ASTE1: variants seen among roughly 807,000 people sequenced by gnomAD.
ASTE1 encodes asteroid structure-specific endonuclease 1, also known as single-strand DNA endonuclease ASTE1.
ASTE1 carries 49 observed loss-of-function variants against 45.8 expected under a neutral mutation model. The observed-to-expected ratio is 1.07, with a 90% CI of 0.85 to 1.36. The LOEUF is 1.36. Among genes scored for constraint, ASTE1 ranks in the 40% most tolerant of loss-of-function variants. The pLI, the probability that ASTE1 is intolerant of heterozygous loss-of-function variation, is 0.00. For missense variants in ASTE1, 709 were observed against 804.0 expected (o/e 0.88, Z 1.43); for synonymous variants, 296 against 303.9 (o/e 0.97, Z 0.27).
Position 131,024,023 on chromosome 3 carries a change from G to A in ASTE1, c.1284C>T (p.Asp428=). ...TACTTACCTCAGTCAATCTGCTTAA[G>A]TCAGAATGATCCTTGGCCAGTTCTA... ...DAVELAKDHS[D]LSRLTELSLR... The change falls in exon 3 of 6, where the codon GAC becomes GAT. Residue 428 remains aspartate, a synonymous_variant. Coordinates refer to ENST00000264992, the MANE Select transcript of ASTE1 (RefSeq NM_014065.4). 6.2e-7 allele frequency: 1 copy of A among 1,604,142 alleles called. No homozygotes were observed. The highest frequency in any genetic ancestry group is 8.5e-7 in the Non-Finnish European group (1 of 1,173,274).
chr3:131,014,033 A>C lies in ASTE1; in HGVS notation c.*24T>G. The stretch of plus-strand genomic sequence containing the variant: ...TTTAAGTAAGGATTATATTAAATAC[A>C]TCTAGTTTGATGCAAACTGAGTTTT... On this transcript the variant is annotated 3_prime_UTR_variant, in exon 6 of 6. Transcript: ENST00000264992. The C allele has an allele frequency of 6.7e-7, 1 of 1,488,438 alleles. No homozygotes were observed. Among genetic ancestry groups the C allele is most frequent in the Non-Finnish European group, 9.1e-7 (1 of 1,102,176 alleles). 92.2% of individuals were successfully genotyped at this position (1,488,438 alleles called of 1,614,324 possible). A position where few individuals can be genotyped will look rare whatever the true frequency, so the allele number is the denominator to read the frequency against.
chr3:131,019,524 A>T (rs181549788), intron 3 of ASTE1, among the ~76,000 whole-genome samples: 2 of 152,354 alleles, frequency 1.3e-5, no homozygotes, highest in Non-Finnish European at 2.9e-5. Context: ...TACCTTAATG[A>T]ATTACCAAGA....
At chr3:131,014,891 A>G (rs536039557) in intron 5 of ASTE1, among the ~76,000 whole-genome samples, 4 of 152,350 alleles carry the variant, frequency 2.6e-5, no homozygotes, top group African/African-American at 9.6e-5. Context: ...TAGAACCATC[A>G]TTTAATCAGT....
At chr3:131,015,454 C>CTTCTT (rs2063573561) in intron 5 of ASTE1, among the ~76,000 whole-genome samples, 1 of 152,194 alleles carries the variant, frequency 6.6e-6, no homozygotes, top group Admixed American at 6.5e-5. Flanking sequence ...GCTGCTGTCA[C>CTTCTT]TTCTTTTTAT....
intron 3 of ASTE1, among the ~76,000 whole-genome samples, chr3:131,020,818 G>A (rs947179754): frequency 2.0e-5 from 3 of 152,190 alleles, no homozygotes; most frequent in East Asian, 3.9e-4. Flanking sequence ...CGCAGAGAAT[G>A]AACTAAAATT....
At chr3:131,016,412 CT>C in intron 4 of ASTE1, 73 bp from the exon 5 acceptor site, 4 of 1,470,412 alleles carry the variant, frequency 2.7e-6, no homozygotes, top group Non-Finnish European at 2.8e-6. Flanking sequence ...TCCACATATA[CT>C]ACAAATTCTA....
Position 131,025,477 on chromosome 3 carries a change from G to C in ASTE1, c.-29C>G. ...TATCAACATCATAAATTCTTACCTA[G>C]ATCCTCAAGCAATGTTAGCTGTGCT... is the stretch of plus-strand genomic sequence containing the variant. On this transcript the variant is annotated 5_prime_UTR_variant, in exon 2 of 6. It adds an upstream start codon to the 5' untranslated region. Coordinates refer to ENST00000264992, the MANE Select transcript of ASTE1 (RefSeq NM_014065.4). 1 of 1,098,128 alleles carries C rather than the reference G, an allele frequency of 9.1e-7. No homozygotes were observed. The highest frequency in any genetic ancestry group is 2.7e-5 in the East Asian group (1 of 36,936). 68.0% of individuals were successfully genotyped at this position (1,098,128 alleles called of 1,614,324 possible). A position where few individuals can be genotyped will look rare whatever the true frequency, so the allele number is the denominator to read the frequency against.
chr3:131,023,116 G>A (rs1273062265), intron 3 of ASTE1, among the ~76,000 whole-genome samples: 1 of 152,176 alleles, frequency 6.6e-6, no homozygotes, highest in Non-Finnish European at 1.5e-5. Flanking sequence ...AGTGCTGGGA[G>A]AACTCTGACA....
At chr3:131,015,865 T>C in intron 5 of ASTE1, 1 of 505,858 alleles carries the variant, frequency 2.0e-6, no homozygotes, top group Non-Finnish European at 3.6e-6. Context: ...AATGATTGCC[T>C]CCCCTCTCCC....
chr3:131,016,634 C>T lies in ASTE1; in HGVS notation c.1514-295G>A, dbSNP rs1321779573. On this transcript the variant is annotated intron_variant, in intron 4 of 5. Coordinates refer to ENST00000264992, the MANE Select transcript of ASTE1 (RefSeq NM_014065.4). ...ATAAACATGTCTGCATTTGAATTCT[C>T]TAAACCCTAAATCTGTGTCTATGAA... 5 of 410,936 alleles carry T rather than the reference C, an allele frequency of 1.2e-5. No homozygotes were observed. The East Asian group carries it at 2.6e-4, about 21-fold the overall frequency. 25.5% of individuals were successfully genotyped at this position (410,936 alleles called of 1,614,324 possible). A position where few individuals can be genotyped will look rare whatever the true frequency, so the allele number is the denominator to read the frequency against.
At chr3:131,016,363 G>A (rs1420302410) in intron 4 of ASTE1, 24 bp from the exon 5 acceptor site, 1 of 1,613,494 alleles carries the variant, frequency 6.2e-7, no homozygotes, top group Non-Finnish European at 8.5e-7. Context: ...CAGCCCAAGG[G>A]CAGTATTTCT....
At chr3:131,018,477 A>G (rs2063697011) in intron 4 of ASTE1, 29 bp downstream of exon 4, 1 of 1,599,038 alleles carries the variant, frequency 6.3e-7, no homozygotes, top group Non-Finnish European at 8.6e-7. Context: ...ACATGCCACA[A>G]TATACTCCTG....
chr3:131,021,724 A>G (rs58528115), intron 3 of ASTE1, among the ~76,000 whole-genome samples: 8,994 of 152,236 alleles, frequency 0.059, 854 homozygotes, highest in African/African-American at 0.2. Flanking sequence ...TTTAGGGGTT[A>G]TGGATACATT....
At chr3:131,017,693 C>T (rs377692441) in intron 4 of ASTE1, among the ~76,000 whole-genome samples, 31 of 152,078 alleles carry the variant, frequency 2.0e-4, no homozygotes, top group African/African-American at 5.8e-4. Flanking sequence ...TATTACTGGC[C>T]GGGCGCGGTG....
intron 5 of ASTE1, among the ~76,000 whole-genome samples, chr3:131,014,882 A>G (rs895299057): frequency 6.6e-6 from 1 of 152,232 alleles, no homozygotes; most frequent in African/African-American, 2.4e-5. Context: ...CAATCCATGT[A>G]GAACCATCAT....
chr3:131,020,176 T>G (rs1560061131), intron 3 of ASTE1, among the ~76,000 whole-genome samples: 2 of 152,256 alleles, frequency 1.3e-5, no homozygotes, highest in Non-Finnish European at 2.9e-5. Flanking sequence ...GTTTCTGACC[T>G]TTTCTACAGT....
chr3:131,022,135 A>G (rs1044008580), intron 3 of ASTE1, among the ~76,000 whole-genome samples: 7 of 152,190 alleles, frequency 4.6e-5, no homozygotes, highest in African/African-American at 1.4e-4. Flanking sequence ...TGGGGACACC[A>G]TATCTTGGGG....
Position 131,017,021 on chromosome 3 carries a change from A to G in ASTE1, c.1514-682T>C, listed in dbSNP as rs1303802277. On this transcript the variant is annotated intron_variant, in intron 4 of 5. Transcript: ENST00000264992. ...CCAACTAGCGAGGAGCAAGACACTG[A>G]GCCTGCCTGGGTACAGGGTCCACAT... The G allele has an allele frequency of 2.3e-6, 3 of 1,289,316 alleles. No homozygotes were observed. The Admixed American group carries it at 6.9e-5, about 30-fold the overall frequency. 79.9% of individuals were successfully genotyped at this position (1,289,316 alleles called of 1,614,324 possible). A position where few individuals can be genotyped will look rare whatever the true frequency, so the allele number is the denominator to read the frequency against.
rs770966234 is a variant in ASTE1 at position 131,018,501 on chromosome 3, C to T, written c.1513+5G>A. 1.2e-6 allele frequency: 2 copies of T among 1,612,758 alleles called. No homozygotes were observed. The highest frequency in any genetic ancestry group is 1.6e-4 in the Middle Eastern group (1 of 6,062). On this transcript the variant is annotated splice_donor_5th_base_variant and intron_variant, in intron 4 of 5. Coordinates refer to ENST00000264992, the MANE Select transcript of ASTE1 (RefSeq NM_014065.4). Reference sequence around the variant, plus strand: ...AATATACTCCTGTAATTTCCAGTTACCTACCAGGGCTGTTGATTATGGCAA... The same window carrying T: ...AATATACTCCTGTAATTTCCAGTTATCTACCAGGGCTGTTGATTATGGCAA...
Sources: allele counts gnomAD v4.1 joint callset (sites outside exome capture counted in the v4.1 genomes callset), GRCh38; gene constraint gnomAD v4.1.1; transcripts MANE v1.5; gene names NCBI Gene and HGNC (gene_info 2026-07-23, HGNC 2026-07-21).